Variants in CAMSAP2 observed in about 807,000 individuals in gnomAD.
The protein encoded by CAMSAP2 is calmodulin-regulated spectrin-associated protein 2.
In CAMSAP2, 26 loss-of-function variants were observed where a neutral mutation model predicts 146.1. The observed-to-expected ratio is 0.18, with a 90% confidence interval of 0.13 to 0.25. The LOEUF (loss-of-function observed/expected upper bound fraction) is 0.25. Ranked by LOEUF, CAMSAP2 falls within the 10% of genes least tolerant of loss-of-function variation. CAMSAP2 has a pLI of 1.00. For synonymous variants in CAMSAP2, 499 were observed against 596.6 expected (o/e 0.84, Z 2.38); for missense variants, 1,381 against 1,759.3 (o/e 0.78, Z 3.85).
At chr1:200,746,346 G>A (rs987823168) in intron 1 of CAMSAP2, among the ~76,000 whole-genome samples, 1 of 152,136 alleles carries the variant, frequency 6.6e-6, no homozygotes, top group African/African-American at 2.4e-5. Flanking sequence ...ATAAGGCTTG[G>A]TGATTGATTG....
At chr1:200,757,127 A>G (rs1664675740) in intron 1 of CAMSAP2, among the ~76,000 whole-genome samples, 1 of 152,208 alleles carries the variant, frequency 6.6e-6, no homozygotes, top group South Asian at 2.1e-4. Flanking sequence ...TTATTACCTT[A>G]GAAACTATTT....
At chr1:200,821,292 C>G (rs1310486962) in intron 4 of CAMSAP2, among the ~76,000 whole-genome samples, 1 of 151,742 alleles carries the variant, frequency 6.6e-6, no homozygotes, top group Admixed American at 6.6e-5. Context: ...AAGCAATCTT[C>G]CCACCTCAGC....
chr1:200,832,051 G>A lies in CAMSAP2; in HGVS notation c.646-149G>A, dbSNP rs78489563. ...GTGTATTTAACTTTGGTAATACCTA[G>A]CGTTATTTAGAAAAAAAGAAATATT... On this transcript the variant is annotated intron_variant, in intron 4 of 16. Coordinates refer to ENST00000358823, the MANE Select transcript of CAMSAP2 (RefSeq NM_203459.4). The surrounding 1 kb of genome is among the most constrained non-coding windows in gnomAD (Gnocchi z 4.2). 6.0e-4 allele frequency: 377 copies of A among 628,498 alleles called. 2 individuals carry two copies. The African/African-American group carries it at 6.6e-3, about 11-fold the overall frequency. The allele number at this position is 628,498 out of a possible 1,614,324, so 38.9% of individuals were successfully genotyped here. A position where few individuals can be genotyped will look rare whatever the true frequency, so the allele number is the denominator to read the frequency against.
In CAMSAP2 at chr1:200,857,830, C is replaced by T; in HGVS notation, c.4208C>T (p.Thr1403Ile). 4 of 1,613,752 alleles carry T rather than the reference C, an allele frequency of 2.5e-6. No individual in the cohort carries two copies. Among genetic ancestry groups the T allele is most frequent in the Non-Finnish European group, 3.4e-6 (4 of 1,179,764 alleles). ...GGATGCCAGTTCAGATCTTTATACA[C>T]TTATTGCCCAGAAACTGAAGAAATC... is the stretch of plus-strand genomic sequence containing the variant. ...DSGCQFRSLY[T>I]YCPETEEINK... The change falls in exon 17 of 17, where the codon ACT (threonine) becomes ATT (isoleucine). Residue 1403 changes from threonine (T) to isoleucine (I), a missense_variant. By Grantham distance (89) the Thr-to-Ile change is moderately conservative (BLOSUM62 -1). Transcript: ENST00000358823. This position sits in a 1 kb window ranked among gnomAD's most constrained non-coding sequence, Gnocchi z 4.7.
chr1:200,760,915 T>C lies in CAMSAP2; in HGVS notation c.216T>C (p.Val72=). The change falls in exon 2 of 17, where the codon GTT becomes GTC. Residue 72 remains valine (V), a synonymous_variant. Transcript: ENST00000358823. ...AGGAACACATCAAACCACCTGTTGTTAATTTGCTTCTATCGGCTGAACTAT... is the reference window on the plus strand; with the variant it reads ...AGGAACACATCAAACCACCTGTTGTCAATTTGCTTCTATCGGCTGAACTAT... The part of the protein sequence containing the change: ...YDQEHIKPPV[V]NLLLSAELYC... 6 of 1,614,208 alleles carry C rather than the reference T, an allele frequency of 3.7e-6. No homozygotes were observed. Among genetic ancestry groups the C allele is most frequent in the Non-Finnish European group, 4.2e-6 (5 of 1,180,034 alleles).
intron 14 of CAMSAP2, 113 bp from the exon 15 acceptor site, chr1:200,855,897 A>T: frequency 6.7e-5 from 37 of 553,152 alleles, no homozygotes; most frequent in Non-Finnish European, 1.2e-4. Flanking sequence ...GCCCGGCCTT[A>T]TCATATTATT....
chr1:200,744,150 A>G (rs1664255707), intron 1 of CAMSAP2, among the ~76,000 whole-genome samples: 1 of 152,142 alleles, frequency 6.6e-6, no homozygotes, highest in Non-Finnish European at 1.5e-5. Flanking sequence ...TACCCAACTA[A>G]TGGAGCTGGG....
At chr1:200,846,032 A>G (rs1175244820) in intron 8 of CAMSAP2, among the ~76,000 whole-genome samples, 1 of 152,176 alleles carries the variant, frequency 6.6e-6, no homozygotes, top group African/African-American at 2.4e-5. Flanking sequence ...TGGACTCCCT[A>G]ATCTATCTGA....
chr1:200,828,502 T>C (rs1021722189), intron 4 of CAMSAP2: 10 of 1,414,558 alleles, frequency 7.1e-6, no homozygotes, highest in African/African-American at 1.4e-5. Context: ...AATTTGTTAA[T>C]TGAAGATAAT....
chr1:200,833,823 G>C (rs574660232), intron 6 of CAMSAP2, among the ~76,000 whole-genome samples: 1 of 151,900 alleles, frequency 6.6e-6, no homozygotes, highest in East Asian at 1.9e-4. Flanking sequence ...GTATCCTTGC[G>C]TATTTTTATG....
At chr1:200,844,039 T>C (rs1470935264) in intron 7 of CAMSAP2, among the ~76,000 whole-genome samples, 1 of 151,638 alleles carries the variant, frequency 6.6e-6, no homozygotes, top group Non-Finnish European at 1.5e-5. Context: ...GCCCGGCTAA[T>C]TTTTTGTATT....
intron 6 of CAMSAP2, among the ~76,000 whole-genome samples, chr1:200,841,539 C>T (rs1353532641): frequency 6.6e-6 from 1 of 152,148 alleles, no homozygotes; most frequent in Middle Eastern, 3.2e-3. Flanking sequence ...AGTCACCACG[C>T]CCGGCCAAAT....
chr1:200,842,067 G>A lies in CAMSAP2; in HGVS notation c.1001G>A (p.Arg334His), dbSNP rs1213841242. ...EVVKPSFVQP[R>H]VVRPQGAEPV... ...GTGAAGCCGTCTTTTGTACAGCCTCGTGTTGTTCGTCCACAAGGAGGTAAT... is the reference window on the plus strand; with the variant it reads ...GTGAAGCCGTCTTTTGTACAGCCTCATGTTGTTCGTCCACAAGGAGGTAAT... The change falls in exon 7 of 17, where the codon CGT becomes CAT. Residue 334 changes from arginine (R) to histidine (H), a missense_variant. Arg to His is a conservative substitution (Grantham distance 29, BLOSUM62 0). Transcript: ENST00000358823. The A allele has an allele frequency of 7.4e-6, 12 of 1,613,236 alleles. No individual in the cohort carries two copies. In the East Asian group the frequency reaches 1.1e-4, roughly 15 times the overall value.
At chr1:200,743,980 A>AAATAAAGC (rs1664250074) in intron 1 of CAMSAP2, among the ~76,000 whole-genome samples, 1 of 139,824 alleles carries the variant, frequency 7.2e-6, no homozygotes, top group Admixed American at 7.1e-5. Flanking sequence ...ATAAATAAAT[A>AAATAAAGC]AAGCTGCTAA....
intron 4 of CAMSAP2, among the ~76,000 whole-genome samples, chr1:200,816,605 A>AATATATATAT (rs1185236373): frequency 9.0e-6 from 1 of 111,214 alleles, no homozygotes; most frequent in Admixed American, 9.2e-5. Flanking sequence ...AAAAAAAAAA[A>AATATATATAT]ATATATATAT....
intron 2 of CAMSAP2, among the ~76,000 whole-genome samples, chr1:200,766,205 G>A (rs375176318): frequency 2.0e-5 from 3 of 149,456 alleles, no homozygotes; most frequent in East Asian, 2.0e-4. Flanking sequence ...GTGCAGTGGC[G>A]CAATCACAAC....
intron 8 of CAMSAP2, among the ~76,000 whole-genome samples, chr1:200,845,369 A>C (rs1667435185): frequency 6.6e-6 from 1 of 152,022 alleles, no homozygotes; most frequent in Admixed American, 6.6e-5. Flanking sequence ...AGGAGGATTT[A>C]ACAAGACGAG....
chr1:200,850,159 T>G lies in CAMSAP2; in HGVS notation c.3390T>G (p.Val1130=). The part of the protein sequence containing the change: ...LKPPEKADVP[V]EKYDGESDKE... ...CCCCTGAAAAGGCTGATGTACCTGT[T>G]GAAAAATATGATGGAGAAAGTGATA... is the stretch of plus-strand genomic sequence containing the variant. The change falls in exon 11 of 17, where the codon GTT becomes GTG. Residue 1130 remains valine (V), a synonymous_variant. Transcript: ENST00000358823. 6.2e-7 allele frequency: 1 copy of G among 1,606,292 alleles called. No homozygotes were observed. Among genetic ancestry groups the G allele is most frequent in the Non-Finnish European group, 8.5e-7 (1 of 1,178,218 alleles).
rs114805570 is a variant in CAMSAP2, at chr1:200,792,385, G to A, written c.400-14991G>A. ...AAGTTTAAAAAAGCCAATCCCAGCCGGGCGCAGTGGCTCAAGCCTGTAATC... is the reference window on the plus strand; with the variant it reads ...AAGTTTAAAAAAGCCAATCCCAGCCAGGCGCAGTGGCTCAAGCCTGTAATC... On this transcript the variant is annotated intron_variant, in intron 2 of 16. Coordinates refer to ENST00000358823, the MANE Select transcript of CAMSAP2 (RefSeq NM_203459.4). 2.8e-3 allele frequency among the ~76,000 whole-genome samples: 428 copies of A among 152,292 alleles called. 1 individual carries two copies. Among genetic ancestry groups the A allele is most frequent in the African/African-American group, 9.5e-3 (395 of 41,554 alleles).
Sources: allele counts gnomAD v4.1 joint callset (sites outside exome capture counted in the v4.1 genomes callset), GRCh38; gene constraint gnomAD v4.1.1; non-coding constraint Gnocchi (gnomAD v3.1); transcripts MANE v1.5; gene names NCBI Gene and HGNC (gene_info 2026-07-23, HGNC 2026-07-21).